The following SNTG2 variants were observed in gnomAD, a reference collection of about 807,000 sequenced individuals.
The protein encoded by SNTG2 is gamma-2-syntrophin.
SNTG2 carries 74 observed loss-of-function variants against 70.9 expected under a neutral mutation model. The observed-to-expected ratio is 1.04, with a 90% CI of 0.86 to 1.27. The LOEUF (loss-of-function observed/expected upper bound fraction) is 1.27. SNTG2 is among the 50% of genes most tolerant of loss of function. The probability of loss-of-function intolerance (pLI) is 0.00; values close to 1 mark genes in which losing one functional copy is unlikely to be tolerated. For synonymous variants in SNTG2, 278 were observed against 273.8 expected (o/e 1.02, Z -0.15); for missense variants, 717 against 690.7 (o/e 1.04, Z -0.43).
intron 1 of SNTG2, among the ~76,000 whole-genome samples, chr2:990,486 G>A (rs1346063327): frequency 6.6e-6 from 1 of 152,180 alleles, no homozygotes; most frequent in African/African-American, 2.4e-5. Context: ...TGGTGGGGGA[G>A]CTCTCCTGCC....
At chr2:1,127,937 G>C (rs895984542) in intron 4 of SNTG2, among the ~76,000 whole-genome samples, 1 of 152,094 alleles carries the variant, frequency 6.6e-6, no homozygotes, top group African/African-American at 2.4e-5. Flanking sequence ...CAACTTGGAT[G>C]TCCTTTATTT....
At chr2:1,255,949 T>A (rs1169379134) in intron 12 of SNTG2, among the ~76,000 whole-genome samples, 1 of 140,794 alleles carries the variant, frequency 7.1e-6, no homozygotes, top group Admixed American at 7.5e-5. Flanking sequence ...TATATATATA[T>A]AACTACATGT....
intron 16 of SNTG2, among the ~76,000 whole-genome samples, chr2:1,355,319 C>T (rs546788765): frequency 6.6e-6 from 1 of 152,150 alleles, no homozygotes; most frequent in Non-Finnish European, 1.5e-5. Flanking sequence ...CTCACATGAC[C>T]GAAACTGCAC....
intron 9 of SNTG2, among the ~76,000 whole-genome samples, chr2:1,222,095 GTCTCTCTCTGTCTC>G (rs1327451563): frequency 2.6e-3 from 18 of 6,966 alleles, no homozygotes; most frequent in African/African-American, 7.8e-3. Flanking sequence ...GTCTCTCTCT[GTCTCTCTCTGTCTC>G]TCTCTGTCTC....
At chr2:1,231,820 C>G (rs1413908886) in intron 9 of SNTG2, among the ~76,000 whole-genome samples, 1 of 152,124 alleles carries the variant, frequency 6.6e-6, no homozygotes, top group Admixed American at 6.5e-5. Context: ...CATTTACTCA[C>G]AAAGCAAACA....
intron 1 of SNTG2, among the ~76,000 whole-genome samples, chr2:955,967 CCCTGCCCCTGCA>C (rs890114275): frequency 6.7e-6 from 1 of 148,950 alleles, no homozygotes; most frequent in Non-Finnish European, 1.5e-5. Context: ...CTGCCCCTGC[CCCTGCCCCTGCA>C]TCTGCATCTG....
chr2:1,190,896 G>GA (rs898281116), intron 8 of SNTG2, among the ~76,000 whole-genome samples: 2 of 152,062 alleles, frequency 1.3e-5, no homozygotes, highest in African/African-American at 4.8e-5. Flanking sequence ...CAACCACTTT[G>GA]AAAAACAATT....
At position 1,281,123 on chromosome 2, in the gene SNTG2, T is replaced by C. The variant is rs1679492162; in HGVS notation, c.1284+13552T>C. Among the ~76,000 whole-genome samples, 4 of 151,892 alleles carry C rather than the reference T, an allele frequency of 2.6e-5. No individual in the cohort carries two copies. In the South Asian group the frequency reaches 8.3e-4, roughly 32 times the overall value. Reference sequence around the variant, plus strand: ...TTGAAACTGGGAATTCATGAGTGGATAAAACCAACACTCACTCTCCCGTCT... The same window carrying C: ...TTGAAACTGGGAATTCATGAGTGGACAAAACCAACACTCACTCTCCCGTCT... On this transcript the variant is annotated intron_variant, in intron 14 of 16. Coordinates refer to ENST00000308624, the MANE Select transcript of SNTG2 (RefSeq NM_018968.4).
At chr2:1,058,357 A>C (rs1662602152) in intron 1 of SNTG2, among the ~76,000 whole-genome samples, 2 of 152,232 alleles carry the variant, frequency 1.3e-5, no homozygotes, top group Non-Finnish European at 2.9e-5. Flanking sequence ...AGCAAACAAC[A>C]CACCAGTAGT....
chr2:1,088,477 A>C (rs1023318111), intron 2 of SNTG2, among the ~76,000 whole-genome samples: 1 of 152,198 alleles, frequency 6.6e-6, no homozygotes, highest in African/African-American at 2.4e-5. Flanking sequence ...GGAAGGTCTG[A>C]TGGACACCTC....
At chr2:1,016,419 T>G (rs112183333) in intron 1 of SNTG2, among the ~76,000 whole-genome samples, 4,167 of 152,248 alleles carry the variant, frequency 0.027, 185 homozygotes, top group African/African-American at 0.094. Context: ...TTTTGTATTT[T>G]TAGTAGAGAT....
chr2:1,255,823 T>TATATATAA lies in SNTG2; in HGVS notation c.1006-3540_1006-3539insAATATATA, dbSNP rs1678026076. On this transcript the variant is annotated intron_variant, in intron 12 of 16. Transcript: ENST00000308624. ...ATATATATACACAAAGTTGTATGTA[T>TATATATAA]ATATATATAAATATATATAAATATA... Among the ~76,000 whole-genome samples, 21 of 73,286 alleles carry TATATATAA rather than the reference T, an allele frequency of 2.9e-4. No individual in the cohort carries two copies. The South Asian group carries it at 7.0e-3, about 24-fold the overall frequency. 48.1% of individuals were successfully genotyped at this position (73,286 alleles called of 152,430 possible).
In SNTG2 at chr2:1,274,805, G is replaced by A. The variant is rs552493410; in HGVS notation, c.1284+7234G>A. 9.2e-5 allele frequency among the ~76,000 whole-genome samples: 14 copies of A among 152,334 alleles called. 1 individual carries two copies. Among genetic ancestry groups the A allele is most frequent in the South Asian group, 8.3e-4 (4 of 4,826 alleles). On this transcript the variant is annotated intron_variant, in intron 14 of 16. Transcript: ENST00000308624. ...GGAAGGGGAATCGGCCTGGCTGCTG[G>A]GCCCCTGCACAAAGGCTCAGTGGGA...
intron 6 of SNTG2, among the ~76,000 whole-genome samples, chr2:1,152,275 G>A (rs1434161391): frequency 6.6e-6 from 1 of 152,208 alleles, no homozygotes; most frequent in Non-Finnish European, 1.5e-5. Context: ...ATTATTTGAT[G>A]ATAGCTGATA....
chr2:1,223,383 GTA>G, intron 9 of SNTG2, among the ~76,000 whole-genome samples: 6 of 149,340 alleles, frequency 4.0e-5, no homozygotes, highest in African/African-American at 1.5e-4. Context: ...CTGAATCGCT[GTA>G]GAGGAAAGCA....
intron 4 of SNTG2, among the ~76,000 whole-genome samples, chr2:1,129,628 C>T (rs1459615592): frequency 3.9e-5 from 6 of 152,144 alleles, no homozygotes; most frequent in Admixed American, 3.3e-4. Context: ...CTTAATGTTC[C>T]ATGTTTTAAA....
chr2:987,451 G>A (rs1244794501), intron 1 of SNTG2, among the ~76,000 whole-genome samples: 2 of 151,964 alleles, frequency 1.3e-5, no homozygotes, highest in Non-Finnish European at 2.9e-5. Flanking sequence ...AGTGTGTCAC[G>A]GGGGCCTTTA....
chr2:1,041,168 C>T (rs1010402283), intron 1 of SNTG2, among the ~76,000 whole-genome samples: 2 of 152,196 alleles, frequency 1.3e-5, no homozygotes, highest in African/African-American at 4.8e-5. Context: ...GACACCTTCA[C>T]CTGCAGTTTT....
chr2:1,221,190 G>A (rs1416723301), intron 9 of SNTG2, among the ~76,000 whole-genome samples: 1 of 152,060 alleles, frequency 6.6e-6, no homozygotes, highest in Non-Finnish European at 1.5e-5. Flanking sequence ...GTGTGACACT[G>A]CTTCCGAGAT....
Sources: gnomAD v4.1 joint callset for allele counts (sites outside exome capture counted in the v4.1 genomes callset) on GRCh38, gnomAD v4.1.1 for gene constraint, MANE v1.5 for transcripts, NCBI Gene and HGNC (gene_info 2026-07-23, HGNC 2026-07-21) for gene names.